ACSM3: variants seen among roughly 807,000 people sequenced by gnomAD.
ACSM3 encodes acyl-coenzyme A synthetase ACSM3, mitochondrial.
ACSM3 carries 61 observed loss-of-function variants against 74.1 expected under a neutral mutation model. The ratio of observed to expected loss-of-function variants is 0.82; its 90% CI spans 0.67 to 1.02. The LOEUF (loss-of-function observed/expected upper bound fraction) is 1.02, where lower values mean the gene tolerates loss of function less well. Ranked by LOEUF, ACSM3 falls within the 50% of genes least tolerant of loss-of-function variation. ACSM3 has a pLI of 0.00. For synonymous variants in ACSM3, 213 were observed against 241.5 expected, an observed-to-expected ratio of 0.88 and a Z score of 1.09; for missense variants, 660 against 697.0, an observed-to-expected ratio of 0.95 and a Z score of 0.60.
intron 1 of ACSM3, among the ~76,000 whole-genome samples, chr16:20,714,238 G>A: frequency 6.6e-6 from 1 of 151,260 alleles, no homozygotes; most frequent in African/African-American, 2.4e-5. Flanking sequence ...AGGTGTGGAA[G>A]GAATAGACTA....
intron 1 of ACSM3, among the ~76,000 whole-genome samples, chr16:20,727,732 C>T (rs1319855526): frequency 6.6e-6 from 1 of 152,180 alleles, no homozygotes; most frequent in African/African-American, 2.4e-5. Context: ...AGGCTCAGAA[C>T]TGAGCAGCTC....
In ACSM3 at chr16:20,755,630, A is replaced by T. The variant is rs539708259; in HGVS notation, c.-52+14A>T. ...ATTTCTGAAGTGGTAAGTGCTTTTT[A>T]TTATTATTATTATTATTATTATACT... On this transcript the variant is annotated intron_variant, in intron 3 of 3. Transcript: ENST00000561584. The T allele has an allele frequency of 3.4e-5, 5 of 146,508 alleles. No homozygotes were observed. In the East Asian group the frequency reaches 5.9e-4, roughly 17 times the overall value. The allele number at this position is 146,508 out of a possible 1,614,324, so 9.1% of individuals were successfully genotyped here.
chr16:20,737,077 G>A lies in ACSM3; in HGVS notation c.-189-12833G>A, dbSNP rs1362900993. 7 of 1,614,194 alleles carry A rather than the reference G, an allele frequency of 4.3e-6. No individual in the cohort carries two copies. The Admixed American group carries it at 1.0e-4, about 23-fold the overall frequency. ...TGGTCTGATTTGTCCGCAGATTCCA[G>A]TTTAGCTTCTTTCCCATTTCCCTGC... On this transcript the variant is annotated intron_variant, in intron 1 of 3. Transcript: ENST00000561584.
chr16:20,780,172 C>G (rs2080322484), intron 4 of ACSM3: 1 of 173,822 alleles, frequency 5.8e-6, no homozygotes, highest in Non-Finnish European at 1.2e-5. Flanking sequence ...AGTGTGAAAG[C>G]AACCACAGGT....
At chr16:20,722,162 T>C (rs1006914711) in intron 1 of ACSM3, 2 of 152,160 alleles carry the variant, frequency 1.3e-5, no homozygotes, top group Admixed American at 6.5e-5. Flanking sequence ...TAAAGGGACA[T>C]GTGAGAGATG....
chr16:20,691,290 T>TA (rs1251311971), intron 1 of ACSM3: 2 of 1,015,606 alleles, frequency 2.0e-6, no homozygotes, highest in African/African-American at 3.3e-5. Flanking sequence ...ACTTTCTCCC[T>TA]AAATTGGGTG....
At chr16:20,702,058 A>G (rs2079714237) in intron 1 of ACSM3, among the ~76,000 whole-genome samples, 2 of 152,222 alleles carry the variant, frequency 1.3e-5, no homozygotes, top group African/African-American at 2.4e-5. Context: ...GTATATACCC[A>G]GTAATGGGAT....
At chr16:20,698,388 A>G (rs2079701900) in intron 1 of ACSM3, among the ~76,000 whole-genome samples, 1 of 151,998 alleles carries the variant, frequency 6.6e-6, no homozygotes, top group Non-Finnish European at 1.5e-5. Flanking sequence ...AGCCTAATGG[A>G]TAAGAGCCTG....
chr16:20,691,464 G>A (rs76299783), intron 1 of ACSM3, among the ~76,000 whole-genome samples: 10 of 152,234 alleles, frequency 6.6e-5, no homozygotes, highest in South Asian at 2.1e-4. Flanking sequence ...TTTGGTGCGC[G>A]TTCCTAGGGG....
In ACSM3 at chr16:20,792,029, C is replaced by G; in HGVS notation, c.1354C>G (p.Leu452Val). The stretch of plus-strand genomic sequence containing the variant: ...TAATCCTTCAAAAACAGCTTCAACT[C>G]TACGAGGCAATTTCTATATCACTGG... ...VDNPSKTAST[L>V]RGNFYITGDR... Residue 452 changes from leucine to valine, a missense_variant, in exon 11 of 14, where the codon CTA becomes GTA. Transcript: ENST00000289416. 6.2e-7 allele frequency: 1 copy of G among 1,614,042 alleles called. No individual in the cohort carries two copies.
chr16:20,789,224 G>A (rs534612946), intron 9 of ACSM3, among the ~76,000 whole-genome samples: 8 of 152,176 alleles, frequency 5.3e-5, no homozygotes, highest in Non-Finnish European at 1.2e-4. Context: ...TGTAAGTGGT[G>A]AGATTTGGAT....
chr16:20,781,558 G>A, intron 6 of ACSM3, 150 bp from the exon 7 acceptor site: 1 of 711,010 alleles, frequency 1.4e-6, no homozygotes, highest in Admixed American at 2.4e-5. Context: ...AACCAATCCT[G>A]CAGACACTGA....
intron 1 of ACSM3, among the ~76,000 whole-genome samples, chr16:20,746,664 C>T (rs530994410): frequency 1.3e-5 from 2 of 152,300 alleles, no homozygotes; most frequent in Non-Finnish European, 1.5e-5. Context: ...GTGAGAAACT[C>T]ACCCAACAGC....
chr16:20,691,107 G>C, intron 1 of ACSM3: 2 of 1,613,680 alleles, frequency 1.2e-6, no homozygotes, highest in Non-Finnish European at 1.7e-6. Flanking sequence ...GACCGGCAGC[G>C]CAGCTGTGAA....
intron 1 of ACSM3, among the ~76,000 whole-genome samples, chr16:20,698,221 G>C (rs527900421): frequency 2.7e-5 from 4 of 150,730 alleles, no homozygotes; most frequent in Non-Finnish European, 5.9e-5. Context: ...AACAAACCAC[G>C]TATACGAAGT....
chr16:20,747,868 T>C (rs996468583), intron 1 of ACSM3, among the ~76,000 whole-genome samples: 2 of 152,204 alleles, frequency 1.3e-5, no homozygotes, highest in African/African-American at 4.8e-5. Context: ...TAGCTGGGCA[T>C]GATGGCTCAC....
chr16:20,738,790 G>C, intron 1 of ACSM3: 2 of 1,298,996 alleles, frequency 1.5e-6, no homozygotes, highest in African/African-American at 1.5e-5. Flanking sequence ...GCCATCAAAT[G>C]ATTAACTGAG....
At chr16:20,717,337 A>G (rs941451847) in intron 1 of ACSM3, among the ~76,000 whole-genome samples, 80 of 152,220 alleles carry the variant, frequency 5.3e-4, no homozygotes, top group African/African-American at 1.8e-3. Context: ...AGATTAATCA[A>G]GCTCCCCCAG....
At chr16:20,796,761 C>A in intron 13 of ACSM3, 125 bp from the exon 14 acceptor site, 1 of 1,524,922 alleles carries the variant, frequency 6.6e-7, no homozygotes, top group Non-Finnish European at 8.8e-7. Context: ...TGGCTGTTAC[C>A]CAAAACCCAT....
Sources: allele counts gnomAD v4.1 joint callset (sites outside exome capture counted in the v4.1 genomes callset), GRCh38; gene constraint gnomAD v4.1.1; transcripts MANE v1.5; gene names NCBI Gene and HGNC (gene_info 2026-07-23, HGNC 2026-07-21).